Variants in KDM4C observed in about 807,000 individuals in gnomAD.
KDM4C encodes lysine-specific demethylase 4C.
KDM4C carries 81 observed loss-of-function variants against 129.3 expected under a neutral mutation model. The ratio of observed to expected loss-of-function variants is 0.63; its 90% CI spans 0.52 to 0.75. The LOEUF is 0.75. Among genes scored for constraint, KDM4C ranks in the 30% least tolerant of loss-of-function variants. The pLI is 0.00. For synonymous variants in KDM4C, 573 were observed against 456.1 expected (o/e 1.26, Z -3.26); for missense variants, 1,457 against 1,304.0 (o/e 1.12, Z -1.81).
intron 17 of KDM4C, among the ~76,000 whole-genome samples, chr9:7,087,217 A>G (rs1008907418): frequency 6.6e-6 from 1 of 152,110 alleles, no homozygotes; most frequent in African/African-American, 2.4e-5. Flanking sequence ...TATAACTCAG[A>G]AAGAGACATT....
At chr9:6,853,688 G>A (rs571244091) in intron 5 of KDM4C, among the ~76,000 whole-genome samples, 139 of 152,298 alleles carry the variant, frequency 9.1e-4, no homozygotes, top group Non-Finnish European at 1.6e-3. Flanking sequence ...AACATTTCTG[G>A]TTGAAGGTTT....
At chr9:6,754,355 G>A (rs983886201), upstream of KDM4C, among the ~76,000 whole-genome samples, 3 of 151,832 alleles carry the variant, frequency 2.0e-5, no homozygotes, top group Non-Finnish European at 4.4e-5. Context: ...TGGGATTACA[G>A]GCACCTGCCA....
intron 12 of KDM4C, among the ~76,000 whole-genome samples, chr9:7,004,609 A>G (rs966152348): frequency 6.6e-6 from 1 of 152,226 alleles, no homozygotes; most frequent in Non-Finnish European, 1.5e-5. Flanking sequence ...TATTTTAAAA[A>G]AGATTCTTTT....
intron 6 of KDM4C, among the ~76,000 whole-genome samples, chr9:6,882,195 A>C (rs1299088545): frequency 1.3e-5 from 2 of 152,212 alleles, no homozygotes; most frequent in East Asian, 3.8e-4. Context: ...TAAAAATCTC[A>C]AGTGAATTGT....
chr9:6,801,180 C>T (rs560660703), intron 2 of KDM4C, among the ~76,000 whole-genome samples: 9 of 142,490 alleles, frequency 6.3e-5, no homozygotes, highest in Admixed American at 4.3e-4. Flanking sequence ...ATGTGAAAGA[C>T]AAGACTTTAA....
intron 8 of KDM4C, among the ~76,000 whole-genome samples, chr9:6,915,716 G>A (rs1480647833): frequency 6.6e-6 from 1 of 152,176 alleles, no homozygotes; most frequent in African/African-American, 2.4e-5. Context: ...TGGAGCCTTA[G>A]TCTTGGTGGC....
intron 4 of KDM4C, among the ~76,000 whole-genome samples, chr9:6,845,630 C>T (rs6477118): frequency 0.11 from 17,243 of 152,106 alleles, 1,180 homozygotes; most frequent in East Asian, 0.2. Flanking sequence ...AAATCGTGGT[C>T]CAATTGTGAG....
chr9:7,092,626 A>G (rs765988560), intron 17 of KDM4C, among the ~76,000 whole-genome samples: 1 of 152,166 alleles, frequency 6.6e-6, no homozygotes, highest in Non-Finnish European at 1.5e-5. Flanking sequence ...CTTGCTGGGC[A>G]CTTCTTCTGT....
chr9:7,121,754 A>T (rs1331668132), intron 18 of KDM4C, among the ~76,000 whole-genome samples: 2 of 152,000 alleles, frequency 1.3e-5, no homozygotes, highest in Non-Finnish European at 2.9e-5. Context: ...CTTAAATGGG[A>T]AGTGCCTCAA....
At chr9:6,899,542 G>GGTGTGTGTGT (rs61209400) in intron 8 of KDM4C, among the ~76,000 whole-genome samples, 12 of 150,054 alleles carry the variant, frequency 8.0e-5, no homozygotes, top group African/African-American at 1.5e-4. Context: ...TTTCCATGGG[G>GGTGTGTGTGT]GTGTGTGTGT....
At chr9:6,726,267 G>C (rs1817124457) in intron 1 of KDM4C, among the ~76,000 whole-genome samples, 1 of 152,132 alleles carries the variant, frequency 6.6e-6, no homozygotes, top group African/African-American at 2.4e-5. Context: ...ACCAGAATAG[G>C]TTCAGAGAGA....
At chr9:7,065,906 G>T (rs1238026450) in intron 17 of KDM4C, among the ~76,000 whole-genome samples, 1 of 151,654 alleles carries the variant, frequency 6.6e-6, no homozygotes. Flanking sequence ...AAAAAATTGT[G>T]ATCCGCAGGT....
At chr9:7,134,860 A>G (rs1291473093) in intron 19 of KDM4C, among the ~76,000 whole-genome samples, 1 of 152,232 alleles carries the variant, frequency 6.6e-6, no homozygotes, top group Non-Finnish European at 1.5e-5. Flanking sequence ...AATTAAGGTC[A>G]GGTTTCATTT....
At chr9:7,070,021 T>A (rs1832976915) in intron 17 of KDM4C, among the ~76,000 whole-genome samples, 2 of 152,068 alleles carry the variant, frequency 1.3e-5, no homozygotes, top group Non-Finnish European at 2.9e-5. Flanking sequence ...GAAATAAAAA[T>A]AAATTTAGCT....
chr9:6,873,045 G>C (rs1842998808), intron 5 of KDM4C, among the ~76,000 whole-genome samples: 1 of 152,086 alleles, frequency 6.6e-6, no homozygotes, highest in African/African-American at 2.4e-5. Context: ...TCCTGCCTCA[G>C]CCTTCTGAGT....
intron 17 of KDM4C, among the ~76,000 whole-genome samples, chr9:7,084,215 G>C (rs1426632556): frequency 1.3e-5 from 2 of 152,126 alleles, no homozygotes; most frequent in Non-Finnish European, 2.9e-5. Context: ...GAAGCTTTCG[G>C]AGCCACTACA....
intron 15 of KDM4C, among the ~76,000 whole-genome samples, chr9:7,022,940 G>C (rs192799018): frequency 2.6e-5 from 4 of 152,158 alleles, no homozygotes; most frequent in Non-Finnish European, 5.9e-5. Context: ...ATGATATGAT[G>C]TATCACATTG....
intron 1 of KDM4C, among the ~76,000 whole-genome samples, chr9:6,722,603 T>C (rs1457322188): frequency 6.6e-6 from 1 of 151,642 alleles, no homozygotes; most frequent in Non-Finnish European, 1.5e-5. Context: ...AACCTCTGCC[T>C]CCCAGGTTCA....
At chr9:6,839,344 G>C (rs4742267) in intron 4 of KDM4C, among the ~76,000 whole-genome samples, 77,553 of 150,424 alleles carry the variant, frequency 0.52, 20,461 homozygotes, top group African/African-American at 0.61. Flanking sequence ...ATTCCCCCAC[G>C]TCAACTTTCC....
Sources: allele counts gnomAD v4.1 joint callset (sites outside exome capture counted in the v4.1 genomes callset), GRCh38; gene constraint gnomAD v4.1.1; transcripts MANE v1.5; gene names NCBI Gene and HGNC (gene_info 2026-07-23, HGNC 2026-07-21).